The following DMD variants were observed in gnomAD, a reference collection of about 807,000 sequenced individuals.
The protein encoded by DMD is mutant dystrophin.
DMD carries 63 observed loss-of-function variants against 330.1 expected under a neutral mutation model. That is an observed-to-expected ratio of 0.19 (90% CI 0.16 to 0.24). DMD has a LOEUF of 0.24. Ranked by LOEUF, DMD falls within the 10% of genes least tolerant of loss-of-function variation. DMD has a pLI of 1.00. For synonymous variants in DMD, 1,223 were observed against 959.8 expected (o/e 1.27, Z -5.07); for missense variants, 3,344 against 2,684.1 (o/e 1.25, Z -5.43).
chrX:31,323,284 G>A (rs759478964), intron 62 of DMD, among the ~76,000 whole-genome samples: 21 of 111,709 alleles, frequency 1.9e-4, no homozygotes, highest in East Asian at 1.1e-3. Context: ...AATTGTTCTC[G>A]CAAAGATTGA....
intron 7 of DMD, among the ~76,000 whole-genome samples, chrX:32,766,814 C>G (rs1370203957): frequency 9.0e-6 from 1 of 111,637 alleles, no homozygotes; most frequent in East Asian, 2.8e-4. Context: ...GATATGTTAA[C>G]TAGCTTGATT....
intron 15 of DMD, among the ~76,000 whole-genome samples, chrX:32,572,559 T>G (rs1245865171): frequency 1.8e-5 from 2 of 110,281 alleles, no homozygotes; most frequent in Non-Finnish European, 3.8e-5. Flanking sequence ...AGTTTTTTTT[T>G]TTTTTTTTAA....
rs568390722 is a variant in DMD at position 32,837,911 on chromosome X, A to G, written c.264+6872T>C. The stretch of plus-strand genomic sequence containing the variant: ...TTTAGTTAATGTAACTGAAATTTTT[A>G]AACTATTGCTCTTCTTGCACATCCA... On this transcript the variant is annotated intron_variant, in intron 4 of 78. Transcript: ENST00000357033. Among the ~76,000 whole-genome samples the G allele has an allele frequency of 2.7e-5, 3 of 111,922 alleles. No homozygotes were observed. In the South Asian group the frequency reaches 1.1e-3, roughly 41 times the overall value.
At chrX:31,419,143 C>T (rs912720824) in intron 60 of DMD, among the ~76,000 whole-genome samples, 6 of 106,602 alleles carry the variant, frequency 5.6e-5, no homozygotes, top group Non-Finnish European at 7.7e-5. Flanking sequence ...ACGGTTTCAC[C>T]GTGGTGGCCA....
chrX:32,649,528 C>G (rs1427458476), intron 9 of DMD, among the ~76,000 whole-genome samples: 1 of 93,035 alleles, frequency 1.1e-5, no homozygotes, highest in Non-Finnish European at 2.0e-5. Flanking sequence ...TGCACTCCGG[C>G]CTGGGCAAAA....
At chrX:32,063,784 A>C (rs2147708880) in intron 44 of DMD, among the ~76,000 whole-genome samples, 1 of 111,226 alleles carries the variant, frequency 9.0e-6, no homozygotes, top group South Asian at 3.7e-4. Flanking sequence ...CGCGGATATT[A>C]AAACTGAAAA....
intron 47 of DMD, among the ~76,000 whole-genome samples, chrX:31,909,337 T>G (rs2094518407): frequency 9.0e-6 from 1 of 110,633 alleles, no homozygotes; most frequent in Non-Finnish European, 1.9e-5. Flanking sequence ...TTCAGGCCAG[T>G]CAGTTTCAGA....
Position 32,649,501 on chromosome X carries a change from A to G in DMD, c.961-4349T>C, listed in dbSNP as rs752246772. ...AACCCGGGAGGCGGAGCTTGCAGTG[A>G]GCCGAGAAAGCGCCACTGCACTCCG... On this transcript the variant is annotated intron_variant, in intron 9 of 78. Transcript: ENST00000357033. 3.0e-5 allele frequency among the ~76,000 whole-genome samples: 3 copies of G among 101,548 alleles called. No homozygotes were observed. In the South Asian group the frequency reaches 1.5e-3, roughly 51 times the overall value. 88.2% of individuals were successfully genotyped at this position (101,548 alleles called of 115,157 possible).
At chrX:32,617,067 C>CA (rs1454840680) in intron 11 of DMD, among the ~76,000 whole-genome samples, 1 of 110,198 alleles carries the variant, frequency 9.1e-6, no homozygotes, top group Non-Finnish European at 1.9e-5. Context: ...GCTGAATCCA[C>CA]AGACAGAGAA....
intron 2 of DMD, among the ~76,000 whole-genome samples, chrX:32,969,027 CAAAAAAAAAAA>C (rs142087164): frequency 0.076 from 1,501 of 19,845 alleles, 23 homozygotes; most frequent in Middle Eastern, 0.42. Context: ...GATTCTGTCT[CAAAAAAAAAAA>C]AAAAAAAAAA....
At position 33,009,688 on chromosome X, in the gene DMD, GCA is replaced by G. The variant is rs1424537453; in HGVS notation, c.93+10449_93+10450del. Among the ~76,000 whole-genome samples, 2 of 33,151 alleles carry G rather than the reference GCA, an allele frequency of 6.0e-5. 1 individual carries two copies. Among genetic ancestry groups the G allele is most frequent in the African/African-American group, 3.0e-4 (2 of 6,665 alleles). 28.8% of individuals were successfully genotyped at this position (33,151 alleles called of 115,157 possible). ...TATGTGTATACGTATATGTGTATAT[GCA>G]CATATGTGTGTATACGTATATGTGT... On this transcript the variant is annotated intron_variant, in intron 2 of 78. Transcript: ENST00000357033.
intron 2 of DMD, among the ~76,000 whole-genome samples, chrX:32,910,229 A>T (rs1465466587): frequency 1.8e-5 from 2 of 111,594 alleles, no homozygotes; most frequent in Non-Finnish European, 3.8e-5. Flanking sequence ...ACTCCTTTGG[A>T]TGACAGAACA....
intron 44 of DMD, chrX:32,155,273 A>G: frequency 7.0e-6 from 2 of 286,341 alleles, no homozygotes; most frequent in Non-Finnish European, 9.5e-6. Context: ...AGAATAGAAG[A>G]CTTACAGAAA....
intron 59 of DMD, among the ~76,000 whole-genome samples, chrX:31,457,346 G>A (rs1460004150): frequency 2.7e-5 from 3 of 111,481 alleles, no homozygotes; most frequent in Non-Finnish European, 3.8e-5. Context: ...GCACAAATTT[G>A]TTTATTCATT....
intron 1 of DMD, among the ~76,000 whole-genome samples, chrX:33,036,136 G>GAGAGAC (rs1670860920): frequency 9.0e-6 from 1 of 111,089 alleles, no homozygotes; most frequent in African/African-American, 3.3e-5. Context: ...GAGAGCGAGA[G>GAGAGAC]AGAGACAGAG....
rs73214003 is a variant in DMD, at chrX:31,571,509, A to G, written c.8217+56164T>C. Among the ~76,000 whole-genome samples, 1,095 of 110,968 alleles carry G rather than the reference A, an allele frequency of 9.9e-3. 9 individuals are homozygous for G. The highest frequency in any genetic ancestry group is 0.018 in the Non-Finnish European group (945 of 52,961). ...ATTGTGAGCTCTGACTTCAAAGACT[A>G]TATCTTATTTCTACTTCTTTCCTCG... On this transcript the variant is annotated intron_variant, in intron 55 of 78. Coordinates refer to ENST00000357033, the MANE Select transcript of DMD (RefSeq NM_004006.3).
At chrX:32,710,134 T>A (rs186980906) in intron 7 of DMD, among the ~76,000 whole-genome samples, 23 of 109,885 alleles carry the variant, frequency 2.1e-4, no homozygotes, top group South Asian at 7.5e-4. Context: ...TTTTATCAAG[T>A]ATCAATTATA....
chrX:32,810,437 T>TTTA, intron 6 of DMD, among the ~76,000 whole-genome samples: 1 of 111,528 alleles, frequency 9.0e-6, no homozygotes, highest in South Asian at 3.8e-4. Context: ...GCTTCTGATG[T>TTTA]TTATCCTCAT....
chrX:31,202,140 C>T (rs755177243), intron 67 of DMD, among the ~76,000 whole-genome samples: 2 of 111,465 alleles, frequency 1.8e-5, no homozygotes, highest in South Asian at 3.8e-4. Context: ...GAGCCGAGAT[C>T]GCGCCATTGC....
Sources: allele counts gnomAD v4.1 joint callset (sites outside exome capture counted in the v4.1 genomes callset), GRCh38; gene constraint gnomAD v4.1.1; transcripts MANE v1.5; gene names NCBI Gene and HGNC (gene_info 2026-07-23, HGNC 2026-07-21).